ATL2: variants seen among roughly 807,000 people sequenced by gnomAD.
ATL2 encodes the protein atlastin GTPase 2, also known as atlastin-2.
In ATL2, 31 loss-of-function variants were observed where a neutral mutation model predicts 73.9. The ratio of observed to expected loss-of-function variants is 0.42; its 90% CI spans 0.32 to 0.57. ATL2 has a LOEUF of 0.57. ATL2 is among the 20% of genes least tolerant of loss of function. ATL2 has a pLI of 0.14. For synonymous variants in ATL2, 291 were observed against 237.5 expected (o/e 1.23, Z -2.07); for missense variants, 738 against 702.6 (o/e 1.05, Z -0.57).
intron 1 of ATL2, among the ~76,000 whole-genome samples, chr2:38,370,320 G>A (rs564562790): frequency 1.4e-4 from 21 of 151,304 alleles, no homozygotes; most frequent in African/African-American, 5.1e-4. Flanking sequence ...ACGGTGGCGG[G>A]CACCTGTAAT....
At chr2:38,344,053 C>T (rs928383540) in intron 1 of ATL2, among the ~76,000 whole-genome samples, 1 of 152,096 alleles carries the variant, frequency 6.6e-6, no homozygotes, top group Non-Finnish European at 1.5e-5. Flanking sequence ...TGGACTCATA[C>T]ACCATTATAC....
Position 38,318,887 on chromosome 2 carries a change from T to A in ATL2, c.496A>T (p.Lys166Ter), listed in dbSNP as rs61758716. 1 of 1,610,974 alleles carries A rather than the reference T, an allele frequency of 6.2e-7. No homozygotes were observed. The change falls in exon 3 of 13, where the codon AAA becomes TAA. Residue 166 changes from lysine to a stop codon, truncating the protein, a stop_gained and splice_region_variant. Transcript: ENST00000378954. LOFTEE classifies it high-confidence loss of function. ...VFVIDRPNGT[K>*]VAVLLMDTQG... ...GAAAAGTATAAACAGAATTTTACTT[T>A]AGTTCCATTAGGTCTGTCAATCACA...
At chr2:38,314,103 G>A (rs1394020374) in intron 6 of ATL2, among the ~76,000 whole-genome samples, 1 of 152,162 alleles carries the variant, frequency 6.6e-6, no homozygotes, top group Non-Finnish European at 1.5e-5. Context: ...AAACATGGTA[G>A]AGTCATGCTC....
chr2:38,346,633 C>T (rs544812168), intron 1 of ATL2, among the ~76,000 whole-genome samples: 1 of 152,292 alleles, frequency 6.6e-6, no homozygotes, highest in East Asian at 1.9e-4. Context: ...GCACACAACC[C>T]AGATCCCTCA....
intron 1 of ATL2, among the ~76,000 whole-genome samples, chr2:38,347,698 T>A (rs565217886): frequency 6.6e-6 from 1 of 152,006 alleles, no homozygotes; most frequent in Non-Finnish European, 1.5e-5. Context: ...CCTAGCAGGT[T>A]CCTTGTAAAT....
At chr2:38,311,792 G>T (rs1312378562) in intron 7 of ATL2, among the ~76,000 whole-genome samples, 2 of 152,126 alleles carry the variant, frequency 1.3e-5, no homozygotes, top group Non-Finnish European at 2.9e-5. Context: ...GCAATTTTCT[G>T]AATATATGTA....
At chr2:38,342,136 G>A (rs190365002) in intron 2 of ATL2, among the ~76,000 whole-genome samples, 1 of 151,504 alleles carries the variant, frequency 6.6e-6, no homozygotes, top group East Asian at 1.9e-4. Context: ...TTTTTTTCAG[G>A]AGAGAAAGTC....
At chr2:38,349,027 G>A (rs1365175164) in intron 1 of ATL2, among the ~76,000 whole-genome samples, 1 of 151,068 alleles carries the variant, frequency 6.6e-6, no homozygotes, top group East Asian at 1.9e-4. Flanking sequence ...GAAACAACAG[G>A]TGCTGGAGAG....
intron 9 of ATL2, among the ~76,000 whole-genome samples, chr2:38,306,792 C>T (rs1458999458): frequency 1.3e-5 from 2 of 152,134 alleles, no homozygotes; most frequent in Non-Finnish European, 2.9e-5. Context: ...TAGTATCTTA[C>T]TGAACTGGGA....
At chr2:38,354,551 G>A (rs1198990497) in intron 1 of ATL2, among the ~76,000 whole-genome samples, 1 of 151,954 alleles carries the variant, frequency 6.6e-6, no homozygotes, top group Non-Finnish European at 1.5e-5. Flanking sequence ...TAGCCCTAGA[G>A]TAACGGCTTT....
At chr2:38,310,629 CTTTTTTTTTTT>C (rs538258408) in intron 7 of ATL2, among the ~76,000 whole-genome samples, 182 bp from the exon 8 acceptor site, 80 of 127,292 alleles carry the variant, frequency 6.3e-4, no homozygotes, top group African/African-American at 2.3e-3. Flanking sequence ...TAAGACCCCA[CTTTTTTTTTTT>C]TTTTTTTTTT....
At chr2:38,335,995 G>A (rs552693286) in intron 2 of ATL2, among the ~76,000 whole-genome samples, 1 of 152,242 alleles carries the variant, frequency 6.6e-6, no homozygotes, top group South Asian at 2.1e-4. Flanking sequence ...CAGCCTGGGC[G>A]CCACAGCGAG....
At chr2:38,353,549 G>A (rs1670482490) in intron 1 of ATL2, among the ~76,000 whole-genome samples, 1 of 152,192 alleles carries the variant, frequency 6.6e-6, no homozygotes, top group African/African-American at 2.4e-5. Flanking sequence ...TAGTCATAAT[G>A]TTACCAAAAT....
intron 2 of ATL2, among the ~76,000 whole-genome samples, chr2:38,325,695 CCAGTACA>C (rs1668593617): frequency 2.2e-4 from 2 of 9,244 alleles, no homozygotes; most frequent in Non-Finnish European, 1.9e-4. Flanking sequence ...CACACACACA[CCAGTACA>C]CACACACACA....
intron 9 of ATL2, 141 bp from the exon 10 acceptor site, chr2:38,300,469 C>T: frequency 1.8e-6 from 1 of 569,852 alleles, no homozygotes; most frequent in Non-Finnish European, 3.1e-6. Flanking sequence ...CTTATTCCAA[C>T]AAAGTTAACC....
chr2:38,341,226 G>C (rs1669697278), intron 2 of ATL2, among the ~76,000 whole-genome samples: 2 of 152,192 alleles, frequency 1.3e-5, no homozygotes, highest in Admixed American at 1.3e-4. Context: ...AAGGACTTAA[G>C]AGGACCTCAA....
rs930848287 is a variant in ATL2 at position 38,295,338 on chromosome 2, T to A, written c.*656A>T. ...AAATTAATGGCATATTTTATATACA[T>A]GAAGGCTAAACTGCAAAAAGACAGT... On this transcript the variant is annotated 3_prime_UTR_variant, in exon 13 of 13. Coordinates refer to ENST00000378954, the MANE Select transcript of ATL2 (RefSeq NM_001135673.4). 7 of 152,258 alleles carry A rather than the reference T, an allele frequency of 4.6e-5. No homozygotes were observed. Among genetic ancestry groups the A allele is most frequent in the African/African-American group, 1.4e-4 (6 of 41,462 alleles). 9.4% of individuals were successfully genotyped at this position (152,258 alleles called of 1,614,324 possible). A position where few individuals can be genotyped will look rare whatever the true frequency, so the allele number is the denominator to read the frequency against.
chr2:38,314,787 T>A (rs532989277), intron 5 of ATL2, 123 bp from the exon 6 acceptor site: 5 of 624,604 alleles, frequency 8.0e-6, no homozygotes, highest in Non-Finnish European at 1.4e-5. Flanking sequence ...GCCAAACATT[T>A]AATTTTCTAA....
chr2:38,320,648 T>C (rs930994000), intron 2 of ATL2, among the ~76,000 whole-genome samples: 1 of 152,180 alleles, frequency 6.6e-6, no homozygotes, highest in Non-Finnish European at 1.5e-5. Flanking sequence ...TTTAGTATAC[T>C]TAAAGCCCAC....
Sources: gnomAD v4.1 joint callset for allele counts (sites outside exome capture counted in the v4.1 genomes callset) on GRCh38, gnomAD v4.1.1 for gene constraint, MANE v1.5 for transcripts, NCBI Gene and HGNC (gene_info 2026-07-23, HGNC 2026-07-21) for gene names.